INPP4B: variants seen among roughly 807,000 people sequenced by gnomAD.
INPP4B encodes inositol polyphosphate-4-phosphatase type II B.
A neutral mutation model predicts 122.5 loss-of-function variants in INPP4B; 55 were observed. The observed-to-expected ratio is 0.45, with a 90% CI of 0.36 to 0.56. INPP4B has a LOEUF of 0.56. Among genes scored for constraint, INPP4B ranks in the 20% least tolerant of loss-of-function variants. The probability of loss-of-function intolerance (pLI) is 0.00; values close to 1 mark genes in which losing one functional copy is unlikely to be tolerated. For synonymous variants in INPP4B, 403 were observed against 388.7 expected, an observed-to-expected ratio of 1.04 and a Z score of -0.43; for missense variants, 1,000 against 1,097.7, an observed-to-expected ratio of 0.91 and a Z score of 1.26.
intron 2 of INPP4B, among the ~76,000 whole-genome samples, chr4:142,505,991 C>T (rs1823977830): frequency 6.6e-6 from 1 of 152,034 alleles, no homozygotes; most frequent in South Asian, 2.1e-4. Context: ...GTGTTATGTG[C>T]ATTAACACTA....
chr4:142,062,181 G>T (rs1161103658), intron 25 of INPP4B, among the ~76,000 whole-genome samples: 1 of 151,966 alleles, frequency 6.6e-6, no homozygotes, highest in Non-Finnish European at 1.5e-5. Context: ...CCTTGCAGTG[G>T]AATCAGTTCA....
At chr4:142,173,902 G>A in intron 15 of INPP4B, 93 bp from the exon 16 acceptor site, 1 of 980,874 alleles carries the variant, frequency 1.0e-6, no homozygotes, top group Non-Finnish European at 1.6e-6. Flanking sequence ...AGAACTCCAA[G>A]TATCACTCTT....
chr4:142,161,364 C>T (rs1007768780), intron 16 of INPP4B, among the ~76,000 whole-genome samples: 2 of 151,950 alleles, frequency 1.3e-5, no homozygotes, highest in Admixed American at 6.6e-5. Context: ...CTGAAGGGTG[C>T]AGTAATTACT....
At chr4:142,715,262 T>C (rs1669996841) in intron 2 of INPP4B, among the ~76,000 whole-genome samples, 1 of 152,248 alleles carries the variant, frequency 6.6e-6, no homozygotes, top group Non-Finnish European at 1.5e-5. Context: ...TAAAATGCTC[T>C]ATAATGTTGC....
intron 2 of INPP4B, among the ~76,000 whole-genome samples, chr4:142,537,429 T>TATATATATATATATATATATAG (rs1200701380): frequency 3.1e-4 from 8 of 25,486 alleles, no homozygotes; most frequent in East Asian, 6.6e-4. Context: ...TATATATATA[T>TATATATATATATATATATATAG]AGAGAGAGAG....
chr4:142,203,833 T>C (rs1016383557), intron 14 of INPP4B, among the ~76,000 whole-genome samples: 10 of 151,458 alleles, frequency 6.6e-5, no homozygotes, highest in South Asian at 2.1e-4. Context: ...AATTTACTAA[T>C]GGTAAAGATG....
chr4:142,454,395 ATG>A (rs1221669739), intron 3 of INPP4B, among the ~76,000 whole-genome samples: 1 of 152,084 alleles, frequency 6.6e-6, no homozygotes, highest in Admixed American at 6.6e-5. Flanking sequence ...CAACCCCTGA[ATG>A]TGTTTACTAC....
At chr4:142,785,110 C>G (rs1230199853) in intron 1 of INPP4B, among the ~76,000 whole-genome samples, 1 of 152,058 alleles carries the variant, frequency 6.6e-6, no homozygotes, top group African/African-American at 2.4e-5. Flanking sequence ...AAGGAGTTCT[C>G]AGGGAAACTC....
At chr4:142,809,623 G>A (rs983452981) in intron 1 of INPP4B, among the ~76,000 whole-genome samples, 1 of 151,892 alleles carries the variant, frequency 6.6e-6, no homozygotes, top group Non-Finnish European at 1.5e-5. Context: ...TGTCATCCTG[G>A]GAAAAAAGTA....
intron 5 of INPP4B, among the ~76,000 whole-genome samples, chr4:142,411,885 C>T (rs937030363): frequency 1.3e-5 from 2 of 152,116 alleles, no homozygotes; most frequent in Non-Finnish European, 2.9e-5. Flanking sequence ...GAGTGAGACT[C>T]TGTCTCAAAA....
intron 9 of INPP4B, among the ~76,000 whole-genome samples, chr4:142,291,761 A>G (rs1210261763): frequency 6.6e-6 from 1 of 152,196 alleles, no homozygotes; most frequent in Non-Finnish European, 1.5e-5. Flanking sequence ...TGGACCTATA[A>G]GGTATAAAAA....
At chr4:142,721,815 C>T (rs890729129) in intron 2 of INPP4B, among the ~76,000 whole-genome samples, 3 of 151,690 alleles carry the variant, frequency 2.0e-5, no homozygotes, top group South Asian at 4.2e-4. Flanking sequence ...AGAGAGACTC[C>T]GTCTTAAAAA....
At chr4:142,176,617 G>A (rs1026318947) in intron 15 of INPP4B, among the ~76,000 whole-genome samples, 1 of 152,008 alleles carries the variant, frequency 6.6e-6, no homozygotes, top group Non-Finnish European at 1.5e-5. Context: ...TAGTTGAATG[G>A]TGCTCAAATT....
chr4:142,162,053 A>G (rs1218364027), intron 16 of INPP4B, among the ~76,000 whole-genome samples: 1 of 151,854 alleles, frequency 6.6e-6, no homozygotes, highest in Non-Finnish European at 1.5e-5. Flanking sequence ...AGTTTTCATA[A>G]TTAAGTGTGC....
intron 5 of INPP4B, among the ~76,000 whole-genome samples, chr4:142,411,198 T>A (rs1051011498): frequency 6.6e-6 from 1 of 152,206 alleles, no homozygotes; most frequent in Non-Finnish European, 1.5e-5. Flanking sequence ...ATGTGCTACA[T>A]GTAAATGGTC....
chr4:142,790,382 A>G (rs773563371), intron 1 of INPP4B, among the ~76,000 whole-genome samples: 2 of 152,260 alleles, frequency 1.3e-5, no homozygotes, highest in South Asian at 2.1e-4. Flanking sequence ...AAAACAAACA[A>G]TCCCATTAAA....
intron 9 of INPP4B, among the ~76,000 whole-genome samples, chr4:142,285,302 T>G (rs540776870): frequency 1.4e-4 from 21 of 151,904 alleles, no homozygotes; most frequent in African/African-American, 4.3e-4. Context: ...GGAGGAGTAA[T>G]GCTGAACTGA....
At chr4:142,125,994 T>C (rs773203073) in intron 18 of INPP4B, among the ~76,000 whole-genome samples, 10 of 152,192 alleles carry the variant, frequency 6.6e-5, no homozygotes, top group Non-Finnish European at 1.5e-4. Flanking sequence ...CAAATGAGGA[T>C]GCAAAATTGA....
chr4:142,672,966 C>T (rs1757212144), intron 2 of INPP4B, among the ~76,000 whole-genome samples: 1 of 152,016 alleles, frequency 6.6e-6, no homozygotes, highest in African/African-American at 2.4e-5. Context: ...CCAGTTTTTC[C>T]AGTATCTTTT....
Sources: allele counts gnomAD v4.1 joint callset (sites outside exome capture counted in the v4.1 genomes callset), GRCh38; gene constraint gnomAD v4.1.1; transcripts MANE v1.5; gene names NCBI Gene and HGNC (gene_info 2026-07-23, HGNC 2026-07-21).